Variants in MAPK10 observed in about 807,000 individuals in gnomAD.
The protein encoded by MAPK10 is JNK3 alpha protein kinase.
In MAPK10, 25 loss-of-function variants were observed where a neutral mutation model predicts 59.3. The observed-to-expected ratio is 0.42, with a 90% confidence interval of 0.31 to 0.59. The LOEUF (loss-of-function observed/expected upper bound fraction) is 0.59, where lower values mean the gene tolerates loss of function less well. MAPK10 is among the 20% of genes least tolerant of loss of function. MAPK10 has a pLI of 0.15. For missense variants in MAPK10, 351 were observed against 568.9 expected (o/e 0.62, Z 3.90); for synonymous variants, 190 against 200.5 (o/e 0.95, Z 0.44).
intron 2 of MAPK10, among the ~76,000 whole-genome samples, chr4:86,249,558 A>G (rs1410052466): frequency 1.3e-5 from 2 of 152,174 alleles, no homozygotes; most frequent in Non-Finnish European, 2.9e-5. Context: ...AAATCTTTCC[A>G]GCCTCTATAA....
intron 2 of MAPK10, chr4:86,300,957 A>G (rs2095461077): frequency 1.3e-5 from 2 of 151,776 alleles, no homozygotes; most frequent in Admixed American, 1.3e-4. Context: ...CAAAAAGGAG[A>G]TAAGGAAGGC....
rs1045347291 is a variant in MAPK10 at position 86,340,956 on chromosome 4, A to T, written c.-7+13574T>A. On this transcript the variant is annotated intron_variant, in intron 2 of 13. Coordinates refer to ENST00000641462, the MANE Select transcript of MAPK10 (RefSeq NM_138982.4). ...TCCTATACAATTTGAATAGAATATA[A>T]TTCTCTATTAGCAAATATGGATCAA... Among the ~76,000 whole-genome samples the T allele has an allele frequency of 3.9e-5, 6 of 152,328 alleles. No homozygotes were observed. The South Asian group carries it at 1.2e-3, about 32-fold the overall frequency.
chr4:86,459,019 AG>A (rs1416115777), intron 1 of MAPK10, among the ~76,000 whole-genome samples: 1 of 152,246 alleles, frequency 6.6e-6, no homozygotes, highest in African/African-American at 2.4e-5. Context: ...CATCTGACAA[AG>A]GACTAATACC....
intron 9 of MAPK10, among the ~76,000 whole-genome samples, chr4:86,074,686 G>A (rs1371907682): frequency 2.8e-5 from 4 of 144,902 alleles, no homozygotes; most frequent in Non-Finnish European, 6.0e-5. Flanking sequence ...ATTCTGGGTT[G>A]AAAATTCTTT....
intron 10 of MAPK10, 87 bp from the exon 11 acceptor site, chr4:86,064,477 A>G: frequency 1.6e-6 from 2 of 1,257,610 alleles, no homozygotes; most frequent in East Asian, 4.7e-5. Context: ...AAAACAAAGT[A>G]TGGAATAGTA....
intron 1 of MAPK10, among the ~76,000 whole-genome samples, chr4:86,468,149 A>G (rs1278249463): frequency 2.6e-5 from 4 of 152,218 alleles, no homozygotes; most frequent in Non-Finnish European, 5.9e-5. Flanking sequence ...GCTCCAAGGT[A>G]AAACATTCTC....
chr4:86,424,101 G>T (rs1208470784), intron 1 of MAPK10, among the ~76,000 whole-genome samples: 1 of 152,008 alleles, frequency 6.6e-6, no homozygotes, highest in Non-Finnish European at 1.5e-5. Flanking sequence ...TATGTATGGT[G>T]ATGTTCTGAC....
chr4:86,386,499 G>T lies in MAPK10; in HGVS notation c.-121-31855C>A, dbSNP rs376492180. 2.6e-5 allele frequency among the ~76,000 whole-genome samples: 4 copies of T among 152,260 alleles called. No homozygotes were observed. The East Asian group carries it at 5.8e-4, about 22-fold the overall frequency. ...ATTCTGAGAGTTGGTTCATTGGTTC[G>T]CTTGGGTCTCTCATGAATCTATGAC... is the stretch of plus-strand genomic sequence containing the variant. On this transcript the variant is annotated intron_variant, in intron 1 of 13. Transcript: ENST00000361569.
intron 2 of MAPK10, among the ~76,000 whole-genome samples, chr4:86,324,653 T>C (rs1378829127): frequency 6.6e-6 from 1 of 152,160 alleles, no homozygotes; most frequent in African/African-American, 2.4e-5. Flanking sequence ...AAAAAGAATA[T>C]CTTCTATCTC....
At chr4:86,282,648 G>A (rs543735281) in intron 2 of MAPK10, among the ~76,000 whole-genome samples, 9 of 152,126 alleles carry the variant, frequency 5.9e-5, no homozygotes, top group Non-Finnish European at 1.2e-4. Context: ...CTCCCTGCCC[G>A]CCCTTAGGAC....
intron 4 of MAPK10, among the ~76,000 whole-genome samples, chr4:86,155,494 T>C (rs147595829): frequency 2.1e-3 from 314 of 152,104 alleles, no homozygotes; most frequent in Admixed American, 4.1e-3. Flanking sequence ...ATTACAGTAG[T>C]ACCCCCTTGT....
chr4:86,344,939 T>C (rs960283370), intron 2 of MAPK10, among the ~76,000 whole-genome samples: 1 of 151,870 alleles, frequency 6.6e-6, no homozygotes, highest in African/African-American at 2.4e-5. Flanking sequence ...AAGGATAATT[T>C]TGGGATAAAG....
rs183776386 is a variant in MAPK10 at position 86,228,260 on chromosome 4, C to T, written c.-6-33853G>A. On this transcript the variant is annotated intron_variant, in intron 2 of 13. Transcript: ENST00000641462. The stretch of plus-strand genomic sequence containing the variant: ...GGAGCATGGGCTCTGCATTGTTTGG[C>T]TTGTGTGTATATGAAAAGTGTACTT... 1.5e-4 allele frequency among the ~76,000 whole-genome samples: 23 copies of T among 152,176 alleles called. No individual in the cohort carries two copies. In the East Asian group the frequency reaches 4.4e-3, roughly 29 times the overall value.
chr4:86,573,690 C>T (rs1761638856), intron 1 of MAPK10, among the ~76,000 whole-genome samples: 1 of 152,152 alleles, frequency 6.6e-6, no homozygotes, highest in Non-Finnish European at 1.5e-5. Flanking sequence ...TAAATTTACC[C>T]ATTAAAAAGT....
chr4:86,503,026 A>C (rs1312945721), intron 1 of MAPK10, among the ~76,000 whole-genome samples: 1 of 152,094 alleles, frequency 6.6e-6, no homozygotes, highest in Non-Finnish European at 1.5e-5. Context: ...GAATCTCAAA[A>C]GAGGGACTGC....
intron 2 of MAPK10, among the ~76,000 whole-genome samples, chr4:86,323,181 C>G (rs2095941496): frequency 6.6e-6 from 1 of 152,082 alleles, no homozygotes. Context: ...GCCTCCGTCT[C>G]AAAGATAAAT....
At chr4:86,549,787 G>C (rs1324917428) in intron 1 of MAPK10, among the ~76,000 whole-genome samples, 3 of 152,142 alleles carry the variant, frequency 2.0e-5, no homozygotes, top group Admixed American at 1.3e-4. Context: ...TGAGGTTATA[G>C]TGAGCTATGA....
intron 1 of MAPK10, among the ~76,000 whole-genome samples, chr4:86,436,635 T>C (rs12508579): frequency 0.012 from 1,790 of 152,328 alleles, 10 homozygotes; most frequent in Non-Finnish European, 0.014. Flanking sequence ...TAAATGTACT[T>C]AATTCTAAAA....
intron 1 of MAPK10, among the ~76,000 whole-genome samples, chr4:86,398,662 A>G (rs540282647): frequency 6.6e-6 from 1 of 152,146 alleles, no homozygotes; most frequent in African/African-American, 2.4e-5. Flanking sequence ...TTACAGGGGT[A>G]CATTGCGTGA....
Sources: gnomAD v4.1 joint callset for allele counts (sites outside exome capture counted in the v4.1 genomes callset) on GRCh38, gnomAD v4.1.1 for gene constraint, MANE v1.5 for transcripts, NCBI Gene and HGNC (gene_info 2026-07-23, HGNC 2026-07-21) for gene names.